The following ZNF519 variants were observed in gnomAD, a reference collection of about 807,000 sequenced individuals.
ZNF519 encodes the protein similar to Zinc finger protein 85 (Zinc finger protein HPF4) (HTF1).
A neutral mutation model predicts 7.4 loss-of-function variants in ZNF519; 7 were observed. The observed-to-expected ratio is 0.94, with a 90% confidence interval of 0.54 to 1.77. ZNF519 has a LOEUF of 1.77. Among genes scored for constraint, ZNF519 ranks in the 40% most tolerant of loss-of-function variants. The probability of loss-of-function intolerance (pLI) is 0.00; values close to 1 mark genes in which losing one functional copy is unlikely to be tolerated. For synonymous variants in ZNF519, 179 were observed against 203.3 expected (o/e 0.88, Z 1.02); for missense variants, 586 against 623.1 (o/e 0.94, Z 0.63).
chr18:14,087,182 T>C (rs927890933), intron 2 of ZNF519, among the ~76,000 whole-genome samples: 1 of 152,142 alleles, frequency 6.6e-6, no homozygotes, highest in Non-Finnish European at 1.5e-5. Context: ...AGATTGGGTA[T>C]AGAAGAAATA....
chr18:14,083,855 G>A (rs2046079320), intron 3 of ZNF519, among the ~76,000 whole-genome samples: 1 of 152,156 alleles, frequency 6.6e-6, no homozygotes. Context: ...CTACTTATTT[G>A]TGCAGTTTCT....
At chr18:14,108,084 G>A (rs1250140393) in intron 2 of ZNF519, among the ~76,000 whole-genome samples, 1 of 152,140 alleles carries the variant, frequency 6.6e-6, no homozygotes, top group Non-Finnish European at 1.5e-5. Flanking sequence ...AGGACCTTGA[G>A]CAATTACTGG....
intron 1 of ZNF519, among the ~76,000 whole-genome samples, chr18:14,130,119 C>A (rs1768449034): frequency 6.6e-6 from 1 of 151,814 alleles, no homozygotes; most frequent in African/African-American, 2.4e-5. Context: ...AAACCTATCA[C>A]AGAGTCAGAC....
At chr18:14,131,425 G>A (rs950225761) in intron 1 of ZNF519, among the ~76,000 whole-genome samples, 7 of 152,266 alleles carry the variant, frequency 4.6e-5, no homozygotes, top group Admixed American at 3.9e-4. Context: ...GCAAGAAACC[G>A]GAAATTTAAG....
chr18:14,090,981 T>C (rs2143097404), intron 2 of ZNF519: 1 of 152,336 alleles, frequency 6.6e-6, no homozygotes, highest in South Asian at 2.1e-4. Flanking sequence ...TGAAAATATA[T>C]GCAGTTTGTT....
intron 1 of ZNF519, among the ~76,000 whole-genome samples, chr18:14,128,293 A>AAAACAAAC (rs372768430): frequency 0.27 from 40,389 of 147,800 alleles, 5,934 homozygotes; most frequent in South Asian, 0.37. Flanking sequence ...ACTCTCTCTC[A>AAAACAAAC]AAACAAACAA....
downstream of ZNF519, among the ~76,000 whole-genome samples, chr18:14,095,802 T>C (rs937822491): frequency 5.3e-5 from 8 of 152,222 alleles, no homozygotes; most frequent in African/African-American, 1.9e-4. Flanking sequence ...CTCTGCACTG[T>C]GCTGCCCAGG....
intron 1 of ZNF519, among the ~76,000 whole-genome samples, chr18:14,131,701 C>A (rs1202595781): frequency 6.6e-6 from 1 of 152,026 alleles, no homozygotes; most frequent in African/African-American, 2.4e-5. Context: ...TCCAATTAAT[C>A]CCTGATTACA....
At chr18:14,083,473 T>G (rs980754240) in intron 3 of ZNF519, among the ~76,000 whole-genome samples, 2 of 152,206 alleles carry the variant, frequency 1.3e-5, no homozygotes, top group Non-Finnish European at 2.9e-5. Flanking sequence ...TTTAAACAAC[T>G]TCCTAGTGTT....
Position 14,127,726 on chromosome 18 carries a change from G to A in ZNF519, c.4-3250C>T, listed in dbSNP as rs559514700. Among the ~76,000 whole-genome samples the A allele has an allele frequency of 2.0e-5, 3 of 152,220 alleles. No homozygotes were observed. The East Asian group carries it at 5.8e-4, about 29-fold the overall frequency. ...ATGTGAAGATGCCAGGAGCACTAATGGAGGTGGACTACTTGACTGCTGTCC... is the reference window on the plus strand; with the variant it reads ...ATGTGAAGATGCCAGGAGCACTAATAGAGGTGGACTACTTGACTGCTGTCC... On this transcript the variant is annotated intron_variant, in intron 1 of 2. Transcript: ENST00000590202.
chr18:14,092,874 T>G (rs1270550721), intron 2 of ZNF519, among the ~76,000 whole-genome samples: 1 of 152,186 alleles, frequency 6.6e-6, no homozygotes, highest in Non-Finnish European at 1.5e-5. Flanking sequence ...TTTAAAGATT[T>G]AAACAAACAC....
chr18:14,098,195 C>T (rs995329333), downstream of ZNF519, among the ~76,000 whole-genome samples: 3 of 147,004 alleles, frequency 2.0e-5, no homozygotes, highest in Non-Finnish European at 3.0e-5. Flanking sequence ...GAGTCTCACT[C>T]TGCTGCCCAT....
At chr18:14,076,968 T>G (rs1263415182) in exon 5 of ZNF519, 1 of 152,110 alleles carries the variant, frequency 6.6e-6, no homozygotes, top group Non-Finnish European at 1.5e-5. Flanking sequence ...AATAAGGTAA[T>G]TCAATTGGTG....
chr18:14,127,815 G>C (rs929313432), intron 1 of ZNF519, among the ~76,000 whole-genome samples: 4 of 152,052 alleles, frequency 2.6e-5, no homozygotes, highest in African/African-American at 7.3e-5. Context: ...ATTCCAAAGA[G>C]AGACCATTCT....
At chr18:14,076,478 C>G (rs1423825873) in exon 5 of ZNF519, 1 of 152,102 alleles carries the variant, frequency 6.6e-6, no homozygotes, top group Non-Finnish European at 1.5e-5. Flanking sequence ...GGACATAAAA[C>G]ATGAGTAGGC....
rs151143776 is a variant in ZNF519 at position 14,100,866 on chromosome 18, C to T, written c.*4051G>A. 169 of 152,232 alleles carry T rather than the reference C, an allele frequency of 1.1e-3. 1 individual carries two copies. Among genetic ancestry groups the T allele is most frequent in the African/African-American group, 3.9e-3 (163 of 41,542 alleles). 9.4% of individuals were successfully genotyped at this position (152,232 alleles called of 1,614,324 possible). ...ATCTTAGTTTTGATATTTTTATAAT[C>T]TTATATCTTACTATAGTTTTCTAGA... On this transcript the variant is annotated 3_prime_UTR_variant, in exon 3 of 3. Coordinates refer to ENST00000590202, the MANE Select transcript of ZNF519 (RefSeq NM_145287.4).
intron 2 of ZNF519, among the ~76,000 whole-genome samples, chr18:14,114,256 T>A (rs2046235791): frequency 6.6e-6 from 1 of 152,182 alleles, no homozygotes; most frequent in African/African-American, 2.4e-5. Flanking sequence ...TTCTTAATAG[T>A]ACTTTCATAG....
intron 3 of ZNF519, among the ~76,000 whole-genome samples, chr18:14,079,250 G>C (rs1420377962): frequency 1.3e-5 from 2 of 152,144 alleles, no homozygotes; most frequent in African/African-American, 4.8e-5. Flanking sequence ...ATTCTTATCA[G>C]TTGAAAAGAA....
chr18:14,087,678 A>G (rs1378558667), intron 2 of ZNF519, among the ~76,000 whole-genome samples: 8 of 152,238 alleles, frequency 5.3e-5, no homozygotes, highest in Admixed American at 4.6e-4. Flanking sequence ...CATGATCATA[A>G]AAAATGTGTG....
Sources: allele counts gnomAD v4.1 joint callset (sites outside exome capture counted in the v4.1 genomes callset), GRCh38; gene constraint gnomAD v4.1.1; transcripts MANE v1.5; gene names NCBI Gene and HGNC (gene_info 2026-07-23, HGNC 2026-07-21).